MGAT4C: variants seen among roughly 807,000 people sequenced by gnomAD.
MGAT4C encodes the protein MGAT4 family member C, also known as alpha-1,3-mannosyl-glycoprotein 4-beta-N-acetylglucosaminyltransferase C.
A neutral mutation model predicts 40.1 loss-of-function variants in MGAT4C; 19 were observed. The ratio of observed to expected loss-of-function variants is 0.47; its 90% CI spans 0.33 to 0.70. The LOEUF (loss-of-function observed/expected upper bound fraction) is 0.70, where lower values mean the gene tolerates loss of function less well. Among genes scored for constraint, MGAT4C ranks in the 30% least tolerant of loss-of-function variants. The pLI is 0.02. For missense variants in MGAT4C, 491 were observed against 563.2 expected (o/e 0.87, Z 1.30); for synonymous variants, 181 against 187.1 (o/e 0.97, Z 0.27).
intron 2 of MGAT4C, among the ~76,000 whole-genome samples, chr12:86,477,695 A>C (rs1046364222): frequency 2.6e-5 from 4 of 151,978 alleles, no homozygotes; most frequent in African/African-American, 9.7e-5. Context: ...TGCTGCACCC[A>C]TTAACTCGTC....
rs942616062 is a variant in MGAT4C at position 86,649,579 on chromosome 12, G to A, written c.-229+77630C>T. ...TTATAAGAAGAGAGTAAAGCAGGTC[G>A]ATGCTGTTGTAAGCCCACTTGACAA... On this transcript the variant is annotated intron_variant, in intron 2 of 7. Transcript: ENST00000548651. Among the ~76,000 whole-genome samples, 3 of 151,732 alleles carry A rather than the reference G, an allele frequency of 2.0e-5. No individual in the cohort carries two copies. The East Asian group carries it at 5.8e-4, about 29-fold the overall frequency.
At chr12:86,080,896 T>C (rs1870714629) in intron 1 of MGAT4C, among the ~76,000 whole-genome samples, 1 of 152,208 alleles carries the variant, frequency 6.6e-6, no homozygotes, top group African/African-American at 2.4e-5. Context: ...TATTTAATTT[T>C]TAGAATAAGC....
chr12:86,058,110 G>A (rs1893579902), intron 1 of MGAT4C, among the ~76,000 whole-genome samples: 1 of 151,938 alleles, frequency 6.6e-6, no homozygotes, highest in Non-Finnish European at 1.5e-5. Flanking sequence ...AATATTTTTT[G>A]TATCTACATA....
intron 2 of MGAT4C, among the ~76,000 whole-genome samples, chr12:86,714,829 G>A (rs1565944067): frequency 6.9e-6 from 1 of 145,944 alleles, no homozygotes; most frequent in Non-Finnish European, 1.5e-5. Flanking sequence ...AATTAAAGTA[G>A]GAAGGAAGAA....
At chr12:86,395,984 A>T (rs2136232440) in intron 3 of MGAT4C, among the ~76,000 whole-genome samples, 1 of 152,150 alleles carries the variant, frequency 6.6e-6, no homozygotes, top group East Asian at 1.9e-4. Flanking sequence ...CTTTATCCTG[A>T]TCTTATGTCC....
At chr12:86,543,149 G>A (rs1032012387) in intron 2 of MGAT4C, among the ~76,000 whole-genome samples, 2 of 151,820 alleles carry the variant, frequency 1.3e-5, no homozygotes, top group Admixed American at 6.6e-5. Flanking sequence ...GAGCGTTGAT[G>A]AGTAAATTTT....
At chr12:86,579,509 G>A (rs764125969) in intron 2 of MGAT4C, among the ~76,000 whole-genome samples, 12 of 151,506 alleles carry the variant, frequency 7.9e-5, no homozygotes, top group South Asian at 2.1e-4. Context: ...TACTGAGTGC[G>A]TCTTGAAAAG....
At chr12:86,512,641 A>G (rs1958611369) in intron 2 of MGAT4C, among the ~76,000 whole-genome samples, 1 of 152,172 alleles carries the variant, frequency 6.6e-6, no homozygotes, top group Non-Finnish European at 1.5e-5. Flanking sequence ...AACATGGATG[A>G]ACCTGGAAGA....
At chr12:86,594,781 A>G (rs1303928442) in intron 2 of MGAT4C, among the ~76,000 whole-genome samples, 1 of 152,194 alleles carries the variant, frequency 6.6e-6, no homozygotes, top group East Asian at 1.9e-4. Flanking sequence ...TAACTGAGAC[A>G]TAGAGACAAC....
chr12:86,038,023 T>C (rs1260298452), intron 2 of MGAT4C, among the ~76,000 whole-genome samples: 1 of 149,264 alleles, frequency 6.7e-6, no homozygotes, highest in Non-Finnish European at 1.5e-5. Context: ...AGAATGTGGG[T>C]CCAGGGGGCC....
chr12:86,367,040 A>T (rs1345897366), intron 3 of MGAT4C, among the ~76,000 whole-genome samples: 3 of 152,130 alleles, frequency 2.0e-5, no homozygotes, highest in Non-Finnish European at 4.4e-5. Context: ...TTCAAAAAAT[A>T]AAGTGAAAGT....
chr12:86,379,752 C>T (rs1243518744), intron 3 of MGAT4C, among the ~76,000 whole-genome samples: 4 of 152,020 alleles, frequency 2.6e-5, no homozygotes, highest in African/African-American at 7.2e-5. Flanking sequence ...AAGGCTTGCT[C>T]GTTTCTATTA....
chr12:85,988,752 T>C (rs1885547587), intron 3 of MGAT4C, among the ~76,000 whole-genome samples: 1 of 151,960 alleles, frequency 6.6e-6, no homozygotes, highest in South Asian at 2.1e-4. Context: ...CGCTTTTGCA[T>C]ATTGTCATAT....
chr12:86,095,179 C>A (rs1873685641), intron 1 of MGAT4C, among the ~76,000 whole-genome samples: 1 of 152,052 alleles, frequency 6.6e-6, no homozygotes, highest in African/African-American at 2.4e-5. Context: ...TTGGGAAAAA[C>A]TTTATAAAGA....
intron 1 of MGAT4C, among the ~76,000 whole-genome samples, chr12:86,199,995 A>G (rs998115288): frequency 2.6e-4 from 39 of 152,192 alleles, no homozygotes; most frequent in Non-Finnish European, 4.9e-4. Context: ...TTCCATCCCC[A>G]GAGAATTTCC....
At position 86,762,637 on chromosome 12, in the gene MGAT4C, G is replaced by A. The variant is rs925398219; in HGVS notation, c.-261-35396C>T. On this transcript the variant is annotated intron_variant, in intron 1 of 7. Coordinates refer to the MGAT4C transcript ENST00000548651. ...ATTTTCCCCTGGTTAAGTAAGCAAT[G>A]AAAAACCCATTGAATATTTTCATTA... Among the ~76,000 whole-genome samples the A allele has an allele frequency of 8.5e-5, 13 of 152,124 alleles. 1 individual carries two copies. The highest frequency in any genetic ancestry group is 8.5e-4 in the Admixed American group (13 of 15,266).
At chr12:86,384,648 A>G (rs1956018703) in intron 3 of MGAT4C, among the ~76,000 whole-genome samples, 1 of 152,232 alleles carries the variant, frequency 6.6e-6, no homozygotes, top group African/African-American at 2.4e-5. Context: ...CCTTTATTCA[A>G]TGTTTGTTAA....
chr12:86,075,445 G>T (rs1343541175), intron 1 of MGAT4C, among the ~76,000 whole-genome samples: 2 of 152,082 alleles, frequency 1.3e-5, no homozygotes, highest in Admixed American at 6.6e-5. Context: ...TGCTGCTTTT[G>T]CAGGCACATG....
chr12:86,767,645 G>C (rs1951539203), intron 1 of MGAT4C, among the ~76,000 whole-genome samples: 1 of 152,134 alleles, frequency 6.6e-6, no homozygotes, highest in African/African-American at 2.4e-5. Flanking sequence ...GAATCCAGCA[G>C]CACATCAAAA....
Sources: gnomAD v4.1 joint callset for allele counts (sites outside exome capture counted in the v4.1 genomes callset) on GRCh38, gnomAD v4.1.1 for gene constraint, MANE v1.5 for transcripts, NCBI Gene and HGNC (gene_info 2026-07-23, HGNC 2026-07-21) for gene names.